PARD3: variants seen among roughly 807,000 people sequenced by gnomAD.
The protein encoded by PARD3 is partitioning defective 3 homolog.
Under a neutral mutation model 155.4 loss-of-function variants are expected in PARD3, and 75 were observed. The ratio of observed to expected loss-of-function variants is 0.48; its 90% CI spans 0.40 to 0.58. PARD3 has a LOEUF of 0.58. Among genes scored for constraint, PARD3 ranks in the 20% least tolerant of loss-of-function variants. The pLI is 0.00. For synonymous variants in PARD3, 576 were observed against 610.5 expected (o/e 0.94, Z 0.83); for missense variants, 1,642 against 1,721.7 (o/e 0.95, Z 0.82).
At chr10:34,274,295 G>C (rs898486972) in intron 21 of PARD3, among the ~76,000 whole-genome samples, 3 of 152,072 alleles carry the variant, frequency 2.0e-5, no homozygotes, top group Non-Finnish European at 2.9e-5. Context: ...ATCCATTTAA[G>C]AGCAATTATG....
chr10:34,717,131 G>T (rs2094533657), intron 1 of PARD3, among the ~76,000 whole-genome samples: 1 of 152,078 alleles, frequency 6.6e-6, no homozygotes, highest in Non-Finnish European at 1.5e-5. Context: ...GATGACAAGG[G>T]CATCTAGTGA....
rs1396799512 is a variant in PARD3, at chr10:34,473,414, C to CAATG, written c.404-3155_404-3152dup. 3.9e-5 allele frequency among the ~76,000 whole-genome samples: 6 copies of CAATG among 152,130 alleles called. No homozygotes were observed. The South Asian group carries it at 8.3e-4, about 21-fold the overall frequency. ...TAAAACAAGTCAACGAGGCCAGGTGCAATGGCTCACACCTATAATCCCAGC... is the reference window on the plus strand; with the variant it reads ...TAAAACAAGTCAACGAGGCCAGGTGCAATGAATGGCTCACACCTATAATCCCAGC... On this transcript the variant is annotated intron_variant, in intron 3 of 24. Transcript: ENST00000374788.
rs115521052 is a variant in PARD3, at chr10:34,720,838, T to C, written c.121-24419A>G. ...TTCTTAACCCACCTAAAATAAGTCATGATAAAGACATCTGCCAGAGCATAC... is the reference window on the plus strand; with the variant it reads ...TTCTTAACCCACCTAAAATAAGTCACGATAAAGACATCTGCCAGAGCATAC... On this transcript the variant is annotated intron_variant, in intron 1 of 24. Transcript: ENST00000374788. Among the ~76,000 whole-genome samples, 810 of 151,930 alleles carry C rather than the reference T, an allele frequency of 5.3e-3. 8 individuals carry two copies. Among genetic ancestry groups the C allele is most frequent in the African/African-American group, 0.018 (730 of 41,464 alleles).
chr10:34,786,491 T>C (rs1840978822), intron 1 of PARD3, among the ~76,000 whole-genome samples: 1 of 152,240 alleles, frequency 6.6e-6, no homozygotes, highest in Non-Finnish European at 1.5e-5. Context: ...CTCTTAGGGA[T>C]GGCAGAAGTC....
At position 34,298,652 on chromosome 10, in the gene PARD3, A is replaced by G. The variant is rs534267954; in HGVS notation, c.3066-14407T>C. Among the ~76,000 whole-genome samples, 7 of 152,204 alleles carry G rather than the reference A, an allele frequency of 4.6e-5. No homozygotes were observed. The East Asian group carries it at 1.3e-3, about 29-fold the overall frequency. ...AGTTTCGCAAGACGAAAGGCGTTCT[A>G]GAAACTAATGGTGGCGGTGAAGTGC... On this transcript the variant is annotated intron_variant, in intron 20 of 24. Coordinates refer to ENST00000374788, the MANE Select transcript of PARD3 (RefSeq NM_001184785.2).
chr10:34,338,073 C>T (rs1168357279), intron 16 of PARD3, among the ~76,000 whole-genome samples: 2 of 152,220 alleles, frequency 1.3e-5, no homozygotes, highest in Non-Finnish European at 2.9e-5. Context: ...ACTCTATGAG[C>T]TCATAAGAAA....
intron 2 of PARD3, among the ~76,000 whole-genome samples, chr10:34,523,018 C>G (rs754757998): frequency 6.6e-6 from 1 of 152,174 alleles, no homozygotes; most frequent in African/African-American, 2.4e-5. Context: ...ATTAATCAAA[C>G]GTAATAACCT....
intron 4 of PARD3, among the ~76,000 whole-genome samples, chr10:34,451,943 T>C (rs1263672536): frequency 1.3e-5 from 2 of 152,072 alleles, no homozygotes; most frequent in African/African-American, 2.4e-5. Context: ...TGATAGTCCA[T>C]AGATACATTG....
intron 22 of PARD3, among the ~76,000 whole-genome samples, chr10:34,166,556 G>A (rs1189889221): frequency 1.3e-5 from 2 of 151,836 alleles, no homozygotes; most frequent in Non-Finnish European, 2.9e-5. Flanking sequence ...TTGAGTCCAG[G>A]AATTTGAGCC....
chr10:34,205,711 G>A lies in PARD3; in HGVS notation c.3419+63946C>T, dbSNP rs190813358. Among the ~76,000 whole-genome samples the A allele has an allele frequency of 9.2e-5, 14 of 152,256 alleles. No individual in the cohort carries two copies. In the East Asian group the frequency reaches 2.7e-3, roughly 29 times the overall value. ...GGCAGCAGAGGCTGGGCCTGAAGAT[G>A]GGCAGGGACTCACCTCCTGCACTTC... On this transcript the variant is annotated intron_variant, in intron 22 of 24. Coordinates refer to ENST00000374788, the MANE Select transcript of PARD3 (RefSeq NM_001184785.2).
chr10:34,506,798 T>A (rs766996208), intron 3 of PARD3, among the ~76,000 whole-genome samples: 2 of 152,218 alleles, frequency 1.3e-5, no homozygotes, highest in Admixed American at 6.5e-5. Flanking sequence ...TAATGGCCAT[T>A]TAATTGGAAA....
At chr10:34,688,222 G>A (rs1448717315) in intron 2 of PARD3, among the ~76,000 whole-genome samples, 1 of 152,104 alleles carries the variant, frequency 6.6e-6, no homozygotes. Flanking sequence ...TGAATCCCAA[G>A]TATTTTTATT....
At chr10:34,812,633 A>G (rs1844329493) in intron 1 of PARD3, among the ~76,000 whole-genome samples, 1 of 152,162 alleles carries the variant, frequency 6.6e-6, no homozygotes, top group Admixed American at 6.5e-5. Context: ...AAGGGTCAAC[A>G]ATCTTGGGAT....
At chr10:34,586,546 G>GA (rs1267480172) in intron 2 of PARD3, among the ~76,000 whole-genome samples, 1 of 152,158 alleles carries the variant, frequency 6.6e-6, no homozygotes, top group Non-Finnish European at 1.5e-5. Flanking sequence ...ACTATAGGGG[G>GA]AAAAAATATA....
At chr10:34,231,732 A>G (rs1952944554) in intron 22 of PARD3, among the ~76,000 whole-genome samples, 1 of 151,912 alleles carries the variant, frequency 6.6e-6, no homozygotes, top group African/African-American at 2.4e-5. Flanking sequence ...CTGCTCCAAC[A>G]ATGCCGACTA....
chr10:34,244,690 A>G (rs567117931), intron 22 of PARD3, among the ~76,000 whole-genome samples: 3 of 152,338 alleles, frequency 2.0e-5, no homozygotes, highest in East Asian at 3.9e-4. Flanking sequence ...TAATTTTAAA[A>G]ATTGAATCAT....
chr10:34,737,068 C>G (rs965152680), intron 1 of PARD3, among the ~76,000 whole-genome samples: 1 of 152,118 alleles, frequency 6.6e-6, no homozygotes, highest in African/African-American at 2.4e-5. Flanking sequence ...ACAATCCCAA[C>G]TGAGAACAGC....
rs189554648 is a variant in PARD3 at position 34,261,624 on chromosome 10, G to A, written c.3419+8033C>T. ...GAATTGCTTGAACCCAGGAGGCTGA[G>A]GCTGCAGTGAGCCACGATCACACCA... On this transcript the variant is annotated intron_variant, in intron 22 of 24. Coordinates refer to ENST00000374788, the MANE Select transcript of PARD3 (RefSeq NM_001184785.2). Among the ~76,000 whole-genome samples the A allele has an allele frequency of 2.0e-5, 3 of 152,002 alleles. No individual in the cohort carries two copies. The East Asian group carries it at 5.8e-4, about 29-fold the overall frequency.
intron 5 of PARD3, among the ~76,000 whole-genome samples, chr10:34,404,385 G>A (rs561227596): frequency 3.3e-5 from 5 of 152,212 alleles, no homozygotes; most frequent in Admixed American, 2.6e-4. Context: ...ATACAGTACT[G>A]GCCGGGTGAG....
Sources: gnomAD v4.1 joint callset for allele counts (sites outside exome capture counted in the v4.1 genomes callset) on GRCh38, gnomAD v4.1.1 for gene constraint, MANE v1.5 for transcripts, NCBI Gene and HGNC (gene_info 2026-07-23, HGNC 2026-07-21) for gene names.